The following PDS5A variants were observed in gnomAD, a reference collection of about 807,000 sequenced individuals.
PDS5A encodes PDS5 cohesin associated factor A.
Under a neutral mutation model 167.1 loss-of-function variants are expected in PDS5A, and 42 were observed. The observed-to-expected ratio is 0.25, with a 90% CI of 0.20 to 0.33. The LOEUF (loss-of-function observed/expected upper bound fraction) is 0.33. Among genes scored for constraint, PDS5A ranks in the 10% least tolerant of loss-of-function variants. The probability of loss-of-function intolerance (pLI) is 1.00; values close to 1 mark genes in which losing one functional copy is unlikely to be tolerated. For missense variants in PDS5A, 1,033 were observed against 1,605.9 expected (o/e 0.64, Z 6.10); for synonymous variants, 553 against 554.6 (o/e 1.00, Z 0.04).
intron 2 of PDS5A, among the ~76,000 whole-genome samples, chr4:39,946,518 C>T (rs964570682): frequency 2.6e-5 from 4 of 152,002 alleles, no homozygotes; most frequent in African/African-American, 9.7e-5. Flanking sequence ...TCTTTGAAAA[C>T]ATCAACAAAA....
intron 13 of PDS5A, among the ~76,000 whole-genome samples, chr4:39,901,588 C>A (rs535899416): frequency 6.6e-6 from 1 of 152,166 alleles, no homozygotes; most frequent in African/African-American, 2.4e-5. Flanking sequence ...CAGTCTTAAT[C>A]TAATAATGCA....
chr4:39,944,458 C>A (rs956667708), intron 2 of PDS5A, among the ~76,000 whole-genome samples: 2 of 152,052 alleles, frequency 1.3e-5, no homozygotes, highest in Non-Finnish European at 2.9e-5. Context: ...CTCCGGGAGG[C>A]CGAGGTGGGC....
chr4:39,908,463 T>A lies in PDS5A; in HGVS notation c.1165A>T (p.Lys389Ter). The A allele has an allele frequency of 6.2e-7, 1 of 1,608,162 alleles. No homozygotes were observed. Among genetic ancestry groups the A allele is most frequent in the Non-Finnish European group, 8.5e-7 (1 of 1,174,630 alleles). Reference sequence around the variant, plus strand: ...TCATTTACTAAGGCCAGGTCCCTCTTGGCAGCTGTTATTATAGTAACAATG... The same window carrying A: ...TCATTTACTAAGGCCAGGTCCCTCTAGGCAGCTGTTATTATAGTAACAATG... ...DVIVTIITAA[K>*]RDLALVNDQL... The change falls in exon 11 of 33, where the codon AAG becomes TAG. Residue 389 changes from lysine (K) to a stop codon, truncating the protein, a stop_gained. Coordinates refer to ENST00000303538, the MANE Select transcript of PDS5A (RefSeq NM_001100399.2). LOFTEE classifies it high-confidence loss of function.
intron 26 of PDS5A, among the ~76,000 whole-genome samples, chr4:39,856,826 A>G (rs1718564957): frequency 6.6e-6 from 1 of 152,058 alleles, no homozygotes; most frequent in Admixed American, 6.6e-5. Context: ...AAATAAATAC[A>G]TAACTAAATA....
intron 32 of PDS5A, among the ~76,000 whole-genome samples, chr4:39,832,891 C>A (rs953221826): frequency 6.6e-6 from 1 of 151,590 alleles, no homozygotes; most frequent in Non-Finnish European, 1.5e-5. Context: ...CGTGGTGGCT[C>A]ACGCCTGTAA....
Position 39,825,278 on chromosome 4 carries a change from T to G in PDS5A, c.*207A>C, listed in dbSNP as rs1027620865. 2.3e-6 allele frequency: 1 copy of G among 432,760 alleles called. No individual in the cohort carries two copies. The highest frequency in any genetic ancestry group is 4.1e-6 in the Non-Finnish European group (1 of 243,304). The allele number at this position is 432,760 out of a possible 1,614,324, so 26.8% of individuals were successfully genotyped here. On this transcript the variant is annotated 3_prime_UTR_variant, in exon 33 of 33. Coordinates refer to ENST00000303538, the MANE Select transcript of PDS5A (RefSeq NM_001100399.2). ...AGAACAGAGTTGCTTTTAGCCTCTC[T>G]CTCAAGAGTTTCTGCTGTACATTTC... is the stretch of plus-strand genomic sequence containing the variant.
intron 19 of PDS5A, among the ~76,000 whole-genome samples, chr4:39,876,161 C>T (rs1720446595): frequency 6.6e-6 from 1 of 151,978 alleles, no homozygotes; most frequent in South Asian, 2.1e-4. Flanking sequence ...ATAGGATTTC[C>T]TCCCTTGAAA....
chr4:39,881,079 T>C (rs918151391), intron 17 of PDS5A, among the ~76,000 whole-genome samples: 1 of 152,164 alleles, frequency 6.6e-6, no homozygotes, highest in Non-Finnish European at 1.5e-5. Context: ...TCCTGGCTCA[T>C]TTCACTTAAC....
intron 30 of PDS5A, among the ~76,000 whole-genome samples, 151 bp from the exon 31 acceptor site, chr4:39,842,207 TA>T (rs1271823305): frequency 6.6e-6 from 1 of 152,238 alleles, no homozygotes; most frequent in Non-Finnish European, 1.5e-5. Context: ...AGTTATAGAC[TA>T]TTGCTTTAAA....
intron 10 of PDS5A, among the ~76,000 whole-genome samples, chr4:39,909,054 A>ATAAAAT (rs1417086551): frequency 2.1e-5 from 3 of 141,818 alleles, no homozygotes. Flanking sequence ...ATAAAATAAA[A>ATAAAAT]TAAAATAAAA....
At chr4:39,946,259 A>G (rs1727755599) in intron 2 of PDS5A, among the ~76,000 whole-genome samples, 1 of 151,750 alleles carries the variant, frequency 6.6e-6, no homozygotes, top group African/African-American at 2.4e-5. Context: ...AGATTCAAGC[A>G]GACAAGCGTA....
At chr4:39,827,215 G>A (rs1484896944) in intron 32 of PDS5A, among the ~76,000 whole-genome samples, 1 of 152,086 alleles carries the variant, frequency 6.6e-6, no homozygotes, top group Non-Finnish European at 1.5e-5. Context: ...GGCCAGGCTG[G>A]TCTTGAACTC....
At chr4:39,953,048 T>C (rs1311951442) in intron 2 of PDS5A, among the ~76,000 whole-genome samples, 3 of 152,068 alleles carry the variant, frequency 2.0e-5, no homozygotes, top group Admixed American at 6.6e-5. Flanking sequence ...AATTAAAAGA[T>C]TGAATCAGAG....
chr4:39,896,883 T>A (rs186369603), intron 16 of PDS5A, among the ~76,000 whole-genome samples: 1 of 151,620 alleles, frequency 6.6e-6, no homozygotes, highest in Admixed American at 6.6e-5. Flanking sequence ...GTGATAGGAA[T>A]CCTTCAGTTC....
intron 2 of PDS5A, among the ~76,000 whole-genome samples, chr4:39,952,386 G>T (rs1189784398): frequency 6.6e-6 from 1 of 152,148 alleles, no homozygotes; most frequent in Non-Finnish European, 1.5e-5. Flanking sequence ...TATGTAAGAA[G>T]GTGATGTGGA....
At chr4:39,826,020 A>G (rs559815519) in intron 32 of PDS5A, among the ~76,000 whole-genome samples, 1 of 152,268 alleles carries the variant, frequency 6.6e-6, no homozygotes, top group South Asian at 2.1e-4. Flanking sequence ...TTTGTTTTCA[A>G]TGACTTAGTG....
At chr4:39,938,324 G>A (rs1340732905) in intron 2 of PDS5A, among the ~76,000 whole-genome samples, 3 of 152,160 alleles carry the variant, frequency 2.0e-5, no homozygotes, top group Non-Finnish European at 4.4e-5. Context: ...GGAGGCCGAG[G>A]TGGGTGGATC....
chr4:39,842,405 A>G (rs759026121), intron 30 of PDS5A, among the ~76,000 whole-genome samples: 1 of 152,224 alleles, frequency 6.6e-6, no homozygotes, highest in Non-Finnish European at 1.5e-5. Flanking sequence ...ATAAAACTAC[A>G]GACCATAGTA....
Position 39,845,883 on chromosome 4 carries a change from A to T in PDS5A, c.3340-3T>A. ...TAACTCTTATCGTTACAGAAGTCCT[A>T]TTAAAAAAAAAAAAGAAAAAGAAAA... On this transcript the variant is annotated splice_polypyrimidine_tract_variant and splice_region_variant and intron_variant, in intron 28 of 32. Transcript: ENST00000303538. The T allele has an allele frequency of 7.5e-7, 1 of 1,334,560 alleles. No homozygotes were observed. Among genetic ancestry groups the T allele is most frequent in the Middle Eastern group, 2.3e-4 (1 of 4,428 alleles). 82.7% of individuals were successfully genotyped at this position (1,334,560 alleles called of 1,614,324 possible). A position where few individuals can be genotyped will look rare whatever the true frequency, so the allele number is the denominator to read the frequency against.
Sources: gnomAD v4.1 joint callset for allele counts (sites outside exome capture counted in the v4.1 genomes callset) on GRCh38, gnomAD v4.1.1 for gene constraint, MANE v1.5 for transcripts, NCBI Gene and HGNC (gene_info 2026-07-23, HGNC 2026-07-21) for gene names.